Variants in PCNT observed in about 807,000 individuals in gnomAD.
PCNT encodes pericentrin.
PCNT carries 319 observed loss-of-function variants against 380.4 expected under a neutral mutation model. The observed-to-expected ratio is 0.84, with a 90% CI of 0.77 to 0.92. The LOEUF (loss-of-function observed/expected upper bound fraction) is 0.92, where lower values mean the gene tolerates loss of function less well. Ranked by LOEUF, PCNT falls within the 40% of genes least tolerant of loss-of-function variation. PCNT has a pLI of 0.00. For missense variants in PCNT, 4,400 were observed against 4,255.3 expected, an observed-to-expected ratio of 1.03 and a Z score of -0.95; for synonymous variants, 1,845 against 1,735.2, an observed-to-expected ratio of 1.06 and a Z score of -1.57.
At chr21:46,438,926 C>A (rs981684219) in intron 41 of PCNT, among the ~76,000 whole-genome samples, 25 of 152,084 alleles carry the variant, frequency 1.6e-4, no homozygotes, top group African/African-American at 5.8e-4. Context: ...ACCTCAGCCT[C>A]CCAAAGTGCT....
In PCNT at chr21:46,428,558, G is replaced by T; in HGVS notation, c.7658G>T (p.Gly2553Val). The T allele has an allele frequency of 6.2e-7, 1 of 1,604,536 alleles. No homozygotes were observed. Among genetic ancestry groups the T allele is most frequent in the East Asian group, 2.2e-5 (1 of 44,782 alleles). ...GCGCTGACAAGCGCAGAGGCGCGCG[G>T]GAGCCAGCAGGAGCACCAGCTGCGC... Reference protein sequence around the residue: ...RTALTSAEARGSQQEHQLRRQ... With the variant: ...RTALTSAEARVSQQEHQLRRQ... The change falls in exon 35 of 47, where the codon GGG becomes GTG. Residue 2553 changes from glycine (G) to valine (V), a missense_variant. Physicochemically the swap from Gly to Val is moderately radical, Grantham distance 109. Transcript: ENST00000359568.
At chr21:46,418,505 G>T (rs559535311) in intron 31 of PCNT, among the ~76,000 whole-genome samples, 199 bp downstream of exon 31, 2 of 152,322 alleles carry the variant, frequency 1.3e-5, no homozygotes, top group East Asian at 3.9e-4. Flanking sequence ...CAGAGCCAAG[G>T]TTGCTGGCCC....
intron 15 of PCNT, among the ~76,000 whole-genome samples, chr21:46,370,227 G>T (rs535767656): frequency 1.6e-4 from 24 of 152,006 alleles, no homozygotes; most frequent in African/African-American, 3.9e-4. Flanking sequence ...GGGCATCCGG[G>T]GGGGGGTGTC....
At chr21:46,441,344 G>A (rs889025629) in intron 43 of PCNT, among the ~76,000 whole-genome samples, 4 of 152,202 alleles carry the variant, frequency 2.6e-5, no homozygotes, top group African/African-American at 9.7e-5. Context: ...CTTTTAATGG[G>A]TTTCGTGCCA....
chr21:46,355,239 T>C (rs527523277), intron 11 of PCNT, among the ~76,000 whole-genome samples: 1 of 152,332 alleles, frequency 6.6e-6, no homozygotes, highest in East Asian at 1.9e-4. Context: ...TTGTATGTCT[T>C]CCGGAGGCCT....
At chr21:46,337,151 C>T (rs1229957450) in intron 3 of PCNT, among the ~76,000 whole-genome samples, 1 of 152,074 alleles carries the variant, frequency 6.6e-6, no homozygotes, top group East Asian at 1.9e-4. Context: ...GTGCTGCCAC[C>T]ATGCCTGGCT....
At chr21:46,346,253 A>AT in intron 4 of PCNT, 45 bp downstream of exon 4, 1 of 1,349,778 alleles carries the variant, frequency 7.4e-7, no homozygotes, top group Non-Finnish European at 1.1e-6. Context: ...GGGCTCTGTT[A>AT]TCCCCACAGG....
chr21:46,381,691 C>T lies in PCNT; in HGVS notation c.3166-3C>T, dbSNP rs1163313199. Reference sequence around the variant, plus strand: ...TATTTTTTATTGTTATTGATGTGTACAGGGTGAATTTGGAAGTGAAAAGAA... The same window carrying T: ...TATTTTTTATTGTTATTGATGTGTATAGGGTGAATTTGGAAGTGAAAAGAA... On this transcript the variant is annotated splice_region_variant and splice_polypyrimidine_tract_variant and intron_variant, in intron 15 of 46. Transcript: ENST00000359568. 1.9e-6 allele frequency: 3 copies of T among 1,612,600 alleles called. No homozygotes were observed. Among genetic ancestry groups the T allele is most frequent in the Non-Finnish European group, 2.5e-6 (3 of 1,178,700 alleles).
chr21:46,425,769 G>T lies in PCNT; in HGVS notation c.7180-62G>T. 6.2e-7 allele frequency: 1 copy of T among 1,609,112 alleles called. No individual in the cohort carries two copies. Among genetic ancestry groups the T allele is most frequent in the Non-Finnish European group, 8.5e-7 (1 of 1,179,018 alleles). ...TGGCGGCAGCTCGGGGCCGCAGGTG[G>T]TGTAGAGCGTGGCTGTGTGGGGTGG... On this transcript the variant is annotated intron_variant, in intron 32 of 46. Coordinates refer to ENST00000359568, the MANE Select transcript of PCNT (RefSeq NM_006031.6). This position sits in a 1 kb window ranked among gnomAD's most constrained non-coding sequence, Gnocchi z 4.2.
chr21:46,353,751 T>TTTGTGA (rs2084367320), intron 10 of PCNT, among the ~76,000 whole-genome samples: 1 of 104,316 alleles, frequency 9.6e-6, no homozygotes, highest in Non-Finnish European at 2.2e-5. Context: ...TGTGTGTGTG[T>TTTGTGA]GAGAGAGACA....
intron 13 of PCNT, among the ~76,000 whole-genome samples, chr21:46,360,315 C>T (rs532578559): frequency 5.3e-5 from 8 of 150,588 alleles, no homozygotes; most frequent in South Asian, 4.2e-4. Flanking sequence ...CTCTGCCTCC[C>T]GGGTTCATGC....
chr21:46,336,434 G>A (rs969463938), intron 3 of PCNT, among the ~76,000 whole-genome samples: 3 of 152,194 alleles, frequency 2.0e-5, no homozygotes, highest in Admixed American at 1.3e-4. Flanking sequence ...GAGTATGGTG[G>A]TGCCATCACA....
chr21:46,389,189 C>T lies in PCNT; in HGVS notation c.3608-10C>T. On this transcript the variant is annotated splice_polypyrimidine_tract_variant and intron_variant, in intron 18 of 46. Transcript: ENST00000359568. ...TGAGCCGCGTGTGCCGGCATCTGCT[C>T]ATCTTGTAGCTCCGGCGCTGGAGGA... The T allele has an allele frequency of 6.2e-7, 1 of 1,612,856 alleles. No homozygotes were observed. The highest frequency in any genetic ancestry group is 8.5e-7 in the Non-Finnish European group (1 of 1,178,910).
Position 46,389,168 on chromosome 21 carries a change from C to T in PCNT, c.3608-31C>T, listed in dbSNP as rs7279863. 1.1e-3 allele frequency: 1,834 copies of T among 1,596,412 alleles called. 19 individuals are homozygous for T. The African/African-American group carries it at 0.022, about 19-fold the overall frequency. On this transcript the variant is annotated intron_variant, in intron 18 of 46. Coordinates refer to ENST00000359568, the MANE Select transcript of PCNT (RefSeq NM_006031.6). ...GGCCGCGGCCGGCTTGCTCACTGAG[C>T]CGCGTGTGCCGGCATCTGCTCATCT...
intron 16 of PCNT, among the ~76,000 whole-genome samples, chr21:46,383,749 T>C (rs2085692904): frequency 6.9e-6 from 1 of 145,124 alleles, no homozygotes; most frequent in Admixed American, 6.9e-5. Flanking sequence ...TTCACAGTGC[T>C]GTGCATTCAG....
intron 9 of PCNT, among the ~76,000 whole-genome samples, chr21:46,352,852 C>G (rs547622158): frequency 5.8e-4 from 89 of 152,300 alleles, no homozygotes; most frequent in Middle Eastern, 3.4e-3. Flanking sequence ...GGCTGTGCCC[C>G]CCACATCCCT....
Position 46,401,648 on chromosome 21 carries a change from C to T in PCNT, c.4889C>T (p.Ser1630Leu), listed in dbSNP as rs147564798. The T allele has an allele frequency of 3.3e-5, 53 of 1,613,892 alleles. No homozygotes were observed. The South Asian group carries it at 3.8e-4, about 12-fold the overall frequency. Reference protein sequence around the residue: ...LDAGRCPEPPSGSPPEGPEIQ... With the variant: ...LDAGRCPEPPLGSPPEGPEIQ... ...GCAGGCAGATGTCCCGAGCCTCCTT[C>T]GGGCAGCCCTCCTGAGGGTCCAGAA... The change falls in exon 26 of 47, where the codon TCG becomes TTG. Residue 1630 changes from serine (S) to leucine (L), a missense_variant. Coordinates refer to ENST00000359568, the MANE Select transcript of PCNT (RefSeq NM_006031.6).
chr21:46,333,053 C>CTGGGCTTGCACCAGCA (rs1158262132), intron 2 of PCNT, among the ~76,000 whole-genome samples: 1 of 152,156 alleles, frequency 6.6e-6, no homozygotes, highest in East Asian at 1.9e-4. Flanking sequence ...GTTAAGGTTG[C>CTGGGCTTGCACCAGCA]AGTGAGCTGG....
At chr21:46,341,958 T>TC (rs2083921991) in intron 3 of PCNT, among the ~76,000 whole-genome samples, 1 of 151,454 alleles carries the variant, frequency 6.6e-6, no homozygotes, top group South Asian at 2.1e-4. Context: ...TTTTTTTTTT[T>TC]TGAGATGGAG....
Sources: allele counts gnomAD v4.1 joint callset (sites outside exome capture counted in the v4.1 genomes callset), GRCh38; gene constraint gnomAD v4.1.1; non-coding constraint Gnocchi (gnomAD v3.1); transcripts MANE v1.5; gene names NCBI Gene and HGNC (gene_info 2026-07-23, HGNC 2026-07-21).